Variants in ALK observed in about 807,000 individuals in gnomAD.
ALK encodes the protein ALK tyrosine kinase receptor.
ALK carries 74 observed loss-of-function variants against 163.1 expected under a neutral mutation model. The observed-to-expected ratio is 0.45, with a 90% CI of 0.38 to 0.55. ALK has a LOEUF of 0.55. Among genes scored for constraint, ALK ranks in the 20% least tolerant of loss-of-function variants. The pLI, the probability that ALK is intolerant of heterozygous loss-of-function variation, is 0.00. For missense variants in ALK, 2,063 were observed against 2,105.3 expected (o/e 0.98, Z 0.39); for synonymous variants, 960 against 843.2 (o/e 1.14, Z -2.40).
chr2:29,756,136 C>G (rs775759151), intron 1 of ALK, among the ~76,000 whole-genome samples: 1 of 152,320 alleles, frequency 6.6e-6, no homozygotes, highest in South Asian at 2.1e-4. Context: ...GGGCCTACCC[C>G]GCCTCCAGGC....
chr2:29,336,133 A>C (rs887487380), intron 5 of ALK, among the ~76,000 whole-genome samples: 1 of 152,146 alleles, frequency 6.6e-6, no homozygotes, highest in African/African-American at 2.4e-5. Context: ...GGAGGCCTGG[A>C]GATCTTGGGC....
intron 4 of ALK, among the ~76,000 whole-genome samples, chr2:29,430,808 T>C (rs1209439004): frequency 1.3e-5 from 2 of 152,240 alleles, no homozygotes; most frequent in East Asian, 1.9e-4. Flanking sequence ...TGCTTTCCTA[T>C]GTACTCACTT....
At chr2:29,701,065 C>T (rs1678718461) in intron 2 of ALK, among the ~76,000 whole-genome samples, 1 of 152,178 alleles carries the variant, frequency 6.6e-6, no homozygotes, top group South Asian at 2.1e-4. Context: ...CATGTAGGTT[C>T]CAGCTATTCT....
rs1293979415 is a variant in ALK at position 29,374,786 on chromosome 2, G to A, written c.1282+8946C>T. ...TTATCTTTTAAATGGTTCAGTCCACGGTAAGTTAAGGGCAGGAGATTTTGG... is the reference window on the plus strand; with the variant it reads ...TTATCTTTTAAATGGTTCAGTCCACAGTAAGTTAAGGGCAGGAGATTTTGG... On this transcript the variant is annotated intron_variant, in intron 5 of 28. Transcript: ENST00000389048. Among the ~76,000 whole-genome samples, 6 of 152,144 alleles carry A rather than the reference G, an allele frequency of 3.9e-5. No homozygotes were observed. In the East Asian group the frequency reaches 5.8e-4, roughly 15 times the overall value.
chr2:29,220,939 TGTATAAAG>T, intron 22 of ALK, 104 bp from the exon 23 acceptor site: 1 of 1,497,740 alleles, frequency 6.7e-7, no homozygotes, highest in Non-Finnish European at 9.2e-7. Context: ...GCAGCTACAA[TGTATAAAG>T]GCATTCTGTA....
At chr2:29,377,453 C>T (rs1478878832) in intron 5 of ALK, among the ~76,000 whole-genome samples, 7 of 121,586 alleles carry the variant, frequency 5.8e-5, no homozygotes, top group Non-Finnish European at 9.7e-5. Flanking sequence ...CCAGCCTGGG[C>T]AACAGAGTGA....
intron 5 of ALK, among the ~76,000 whole-genome samples, chr2:29,343,922 G>C (rs944851210): frequency 6.6e-6 from 1 of 152,056 alleles, no homozygotes; most frequent in Non-Finnish European, 1.5e-5. Flanking sequence ...ATATTCTCTA[G>C]AGTGAAGAGC....
chr2:29,910,709 A>C (rs77235763), intron 1 of ALK, among the ~76,000 whole-genome samples: 3,077 of 152,348 alleles, frequency 0.02, 101 homozygotes, highest in African/African-American at 0.071. Flanking sequence ...AACAGCATTA[A>C]AGTGCTATCC....
intron 3 of ALK, among the ~76,000 whole-genome samples, chr2:29,629,719 G>A (rs941063853): frequency 6.6e-6 from 1 of 152,024 alleles, no homozygotes; most frequent in Non-Finnish European, 1.5e-5. Flanking sequence ...ACTGCAATAA[G>A]CCCTTTATAT....
At chr2:29,544,633 A>G (rs889116009) in intron 3 of ALK, among the ~76,000 whole-genome samples, 1 of 152,022 alleles carries the variant, frequency 6.6e-6, no homozygotes, top group Non-Finnish European at 1.5e-5. Context: ...ATCTATGTGT[A>G]TGTCTAATCT....
chr2:29,374,639 G>A (rs1421253806), intron 5 of ALK, among the ~76,000 whole-genome samples: 1 of 152,152 alleles, frequency 6.6e-6, no homozygotes, highest in Non-Finnish European at 1.5e-5. Flanking sequence ...AAGATGTGCA[G>A]GTCTTTGAAA....
At chr2:29,784,685 ACCTCCGTC>A (rs1316654551) in intron 1 of ALK, among the ~76,000 whole-genome samples, 4 of 137,896 alleles carry the variant, frequency 2.9e-5, no homozygotes, top group Admixed American at 7.9e-5. Flanking sequence ...ACAGAGCAAG[ACCTCCGTC>A]TCAACAACAA....
intron 2 of ALK, among the ~76,000 whole-genome samples, chr2:29,701,324 G>A (rs1271324218): frequency 6.6e-6 from 1 of 152,140 alleles, no homozygotes. Context: ...AGGACCAGCA[G>A]CTCCCCTTAG....
intron 3 of ALK, among the ~76,000 whole-genome samples, chr2:29,610,311 G>A (rs1573496982): frequency 6.6e-6 from 1 of 152,234 alleles, no homozygotes; most frequent in East Asian, 1.9e-4. Context: ...ATTCCCGGCT[G>A]CTTGTCCTTT....
intron 8 of ALK, among the ~76,000 whole-genome samples, chr2:29,315,173 G>C (rs1465686728): frequency 6.6e-6 from 1 of 151,516 alleles, no homozygotes. Flanking sequence ...GCGAGGCAGA[G>C]GTCTTTAAAT....
intron 3 of ALK, among the ~76,000 whole-genome samples, chr2:29,548,559 G>A (rs1180883669): frequency 6.9e-6 from 1 of 144,326 alleles, no homozygotes; most frequent in African/African-American, 2.6e-5. Context: ...CTTCTTGTGG[G>A]AAACACACAG....
At position 29,193,966 on chromosome 2, in the gene ALK, A is replaced by C. The variant is rs768532915; in HGVS notation, c.4165-44T>G. 10 of 1,584,282 alleles carry C rather than the reference A, an allele frequency of 6.3e-6. No individual in the cohort carries two copies. The South Asian group carries it at 1.0e-4, about 16-fold the overall frequency. On this transcript the variant is annotated intron_variant, in intron 28 of 28. Coordinates refer to ENST00000389048, the MANE Select transcript of ALK (RefSeq NM_004304.5). ...TTAAAACTTTGAATCAGAGACAAAA[A>C]ATGTTGGATCTAGAAGATACCTTAG...
chr2:29,611,757 C>A (rs1225021036), intron 3 of ALK, among the ~76,000 whole-genome samples: 5 of 152,112 alleles, frequency 3.3e-5, no homozygotes, highest in African/African-American at 1.2e-4. Flanking sequence ...TGTGGCACTT[C>A]CCCCTTCGCT....
chr2:29,901,590 C>T (rs951938827), intron 1 of ALK, among the ~76,000 whole-genome samples: 1 of 152,176 alleles, frequency 6.6e-6, no homozygotes, highest in South Asian at 2.1e-4. Context: ...TTGGCCAAGC[C>T]GCTCATCTCT....
Sources: gnomAD v4.1 joint callset for allele counts (sites outside exome capture counted in the v4.1 genomes callset) on GRCh38, gnomAD v4.1.1 for gene constraint, MANE v1.5 for transcripts, NCBI Gene and HGNC (gene_info 2026-07-23, HGNC 2026-07-21) for gene names.